The following DPF3 variants were observed in gnomAD, a reference collection of about 807,000 sequenced individuals.
DPF3 encodes zinc finger protein DPF3.
A neutral mutation model predicts 56.8 loss-of-function variants in DPF3; 18 were observed. The ratio of observed to expected loss-of-function variants is 0.32; its 90% CI spans 0.22 to 0.47. The LOEUF is 0.47. Ranked by LOEUF, DPF3 falls within the 20% of genes least tolerant of loss-of-function variation. The pLI, the probability that DPF3 is intolerant of heterozygous loss-of-function variation, is 1.00. For missense variants in DPF3, 403 were observed against 488.8 expected (o/e 0.82, Z 1.65); for synonymous variants, 188 against 180.2 (o/e 1.04, Z -0.35).
intron 1 of DPF3, among the ~76,000 whole-genome samples, chr14:72,813,494 G>A (rs1025207597): frequency 2.6e-5 from 4 of 152,144 alleles, no homozygotes; most frequent in East Asian, 1.9e-4. Flanking sequence ...CCACAGCAAC[G>A]AGAGAGTTTT....
chr14:72,747,536 C>T (rs571062599), intron 3 of DPF3, among the ~76,000 whole-genome samples: 1 of 151,246 alleles, frequency 6.6e-6, no homozygotes, highest in Admixed American at 6.6e-5. Flanking sequence ...CCTATAATCC[C>T]AGCATTTTGG....
At chr14:72,702,268 G>T (rs80108782) in intron 6 of DPF3, among the ~76,000 whole-genome samples, 1 of 150,700 alleles carries the variant, frequency 6.6e-6, no homozygotes, top group Admixed American at 6.6e-5. Flanking sequence ...GCAGGAGAAC[G>T]GAGGGTGGGA....
At chr14:72,757,985 A>G (rs1398762215) in intron 2 of DPF3, among the ~76,000 whole-genome samples, 4 of 152,132 alleles carry the variant, frequency 2.6e-5, no homozygotes, top group African/African-American at 9.7e-5. Context: ...ACCTAGAGAG[A>G]GAGCAAAAAT....
chr14:72,845,272 G>A (rs1884703340), intron 1 of DPF3, among the ~76,000 whole-genome samples: 1 of 152,114 alleles, frequency 6.6e-6, no homozygotes, highest in African/African-American at 2.4e-5. Flanking sequence ...GAAGAAATGA[G>A]GTACACAGGG....
At chr14:72,783,661 T>C (rs1035724387) in intron 1 of DPF3, among the ~76,000 whole-genome samples, 2 of 152,180 alleles carry the variant, frequency 1.3e-5, no homozygotes, top group Admixed American at 6.5e-5. Flanking sequence ...GTGAGGTAGA[T>C]AAACGATGCC....
At chr14:72,754,333 C>T (rs554505109) in intron 2 of DPF3, among the ~76,000 whole-genome samples, 6 of 152,232 alleles carry the variant, frequency 3.9e-5, no homozygotes, top group African/African-American at 1.4e-4. Flanking sequence ...CTGATACCCC[C>T]CATAATAAAC....
intron 1 of DPF3, among the ~76,000 whole-genome samples, chr14:72,890,220 G>A (rs1173815751): frequency 1.3e-5 from 2 of 152,120 alleles, no homozygotes; most frequent in African/African-American, 2.4e-5. Context: ...GCCAGACATC[G>A]TGGCTCACTC....
Position 72,737,697 on chromosome 14 carries a change from C to T in DPF3, c.302-5763G>A, listed in dbSNP as rs548038073. ...CGAGTTTGCAAGAGATACCATCTTT[C>T]GGGAGGCAGTGTGTTCTGCCAACAG... On this transcript the variant is annotated intron_variant, in intron 3 of 10. Transcript: ENST00000556509. 7.2e-5 allele frequency among the ~76,000 whole-genome samples: 11 copies of T among 152,282 alleles called. No individual in the cohort carries two copies. In the South Asian group the frequency reaches 1.0e-3, roughly 14 times the overall value.
intron 3 of DPF3, among the ~76,000 whole-genome samples, chr14:72,740,678 G>C (rs889116112): frequency 2.0e-5 from 3 of 152,214 alleles, no homozygotes; most frequent in Non-Finnish European, 4.4e-5. Context: ...CCCAGGCCAA[G>C]GGCAGGGAAA....
intron 9 of DPF3, among the ~76,000 whole-genome samples, chr14:72,627,874 T>A (rs1884926615): frequency 6.6e-6 from 1 of 152,100 alleles, no homozygotes; most frequent in African/African-American, 2.4e-5. Context: ...GTTAAATATA[T>A]CCCTAAGTAT....
chr14:72,804,455 T>A (rs1893010977), intron 1 of DPF3, among the ~76,000 whole-genome samples: 1 of 152,068 alleles, frequency 6.6e-6, no homozygotes, highest in Non-Finnish European at 1.5e-5. Context: ...ATCCACAAAA[T>A]CTCTAACGCA....
chr14:72,864,715 T>TGGAG, intron 1 of DPF3, among the ~76,000 whole-genome samples: 1 of 151,210 alleles, frequency 6.6e-6, no homozygotes, highest in Non-Finnish European at 1.5e-5. Context: ...GATGGATGGA[T>TGGAG]TCTATAATCA....
At chr14:72,838,232 G>A (rs958997658) in intron 1 of DPF3, among the ~76,000 whole-genome samples, 4 of 152,214 alleles carry the variant, frequency 2.6e-5, no homozygotes, top group Non-Finnish European at 5.9e-5. Flanking sequence ...GGTGGCTCAC[G>A]CCTGTAATTC....
intron 2 of DPF3, among the ~76,000 whole-genome samples, chr14:72,769,905 G>C (rs1017022013): frequency 6.6e-6 from 1 of 152,026 alleles, no homozygotes; most frequent in Admixed American, 6.6e-5. Flanking sequence ...CTGGTAAATA[G>C]AGGGGAAAAA....
At chr14:72,673,846 G>A (rs557729523) in intron 8 of DPF3, among the ~76,000 whole-genome samples, 315 of 152,244 alleles carry the variant, frequency 2.1e-3, no homozygotes, top group Admixed American at 5.4e-3. Context: ...CACACTCTTC[G>A]GGTTTGCCCT....
chr14:72,783,045 T>C (rs111313030), intron 1 of DPF3, among the ~76,000 whole-genome samples: 24 of 152,214 alleles, frequency 1.6e-4, no homozygotes, highest in African/African-American at 5.3e-4. Flanking sequence ...TCCTCTTCTA[T>C]ACTAAGGGTA....
chr14:72,864,999 C>T (rs907096350), intron 1 of DPF3, among the ~76,000 whole-genome samples: 2 of 152,104 alleles, frequency 1.3e-5, no homozygotes, highest in African/African-American at 4.8e-5. Context: ...CAGATTTTTG[C>T]TTAGATGACA....
intron 8 of DPF3, among the ~76,000 whole-genome samples, chr14:72,666,391 A>C (rs1886446731): frequency 6.6e-6 from 1 of 152,304 alleles, no homozygotes; most frequent in South Asian, 2.1e-4. Context: ...TCATCCAATA[A>C]ATTCTTGAAT....
At chr14:72,863,168 G>A (rs1287233498) in intron 1 of DPF3, among the ~76,000 whole-genome samples, 2 of 116,490 alleles carry the variant, frequency 1.7e-5, no homozygotes, top group Non-Finnish European at 3.6e-5. Context: ...GTGTGTGTGT[G>A]TGTGTGTGTG....
Sources: gnomAD v4.1 joint callset for allele counts (sites outside exome capture counted in the v4.1 genomes callset) on GRCh38, gnomAD v4.1.1 for gene constraint, MANE v1.5 for transcripts, NCBI Gene and HGNC (gene_info 2026-07-23, HGNC 2026-07-21) for gene names.